The following ZNF184 variants were observed in gnomAD, a reference collection of about 807,000 sequenced individuals.
ZNF184 encodes the protein zinc finger protein 184 (Kruppel-like).
Under a neutral mutation model 54.4 loss-of-function variants are expected in ZNF184, and 16 were observed. That is an observed-to-expected ratio of 0.29 (90% CI 0.20 to 0.45). The LOEUF is 0.45. ZNF184 is among the 20% of genes least tolerant of loss of function. The probability of loss-of-function intolerance (pLI) is 1.00; values close to 1 mark genes in which losing one functional copy is unlikely to be tolerated. For synonymous variants in ZNF184, 254 were observed against 295.3 expected (o/e 0.86, Z 1.43); for missense variants, 681 against 888.2 (o/e 0.77, Z 2.97).
intron 4 of ZNF184, 32 bp from the exon 5 acceptor site, chr6:27,456,953 G>T (rs1214453615): frequency 6.4e-7 from 1 of 1,564,658 alleles, no homozygotes; most frequent in South Asian, 1.1e-5. Context: ...AAAGAAACCT[G>T]CAGTAAGGGG....
the ZNF184 span, chr6:27,404,222 A>G: frequency 6.6e-6 from 1 of 152,202 alleles, no homozygotes; most frequent in Non-Finnish European, 1.5e-5. Flanking sequence ...ATTTGCTTAC[A>G]TTGTTTTAGA....
chr6:27,448,768 T>C (rs1277799391), downstream of ZNF184, among the ~76,000 whole-genome samples: 1 of 148,832 alleles, frequency 6.7e-6, no homozygotes, highest in Admixed American at 6.6e-5. Flanking sequence ...CATTTCCTTT[T>C]TTTTTTTCCC....
chr6:27,430,103 A>T, the ZNF184 span, among the ~76,000 whole-genome samples: 1 of 152,198 alleles, frequency 6.6e-6, no homozygotes, highest in Non-Finnish European at 1.5e-5. Flanking sequence ...CTCAGCCTCA[A>T]CTTCTCATTC....
intron 3 of ZNF184, among the ~76,000 whole-genome samples, chr6:27,464,678 T>C (rs1305320920): frequency 1.3e-5 from 2 of 152,046 alleles, no homozygotes; most frequent in Non-Finnish European, 2.9e-5. Context: ...TGAATACAAA[T>C]GGTCTAAACA....
chr6:27,410,821 T>G, the ZNF184 span, among the ~76,000 whole-genome samples: 1 of 152,158 alleles, frequency 6.6e-6, no homozygotes, highest in Non-Finnish European at 1.5e-5. Context: ...CATGAGCCAC[T>G]GCCCCCAGCT....
At chr6:27,414,879 G>A in the ZNF184 span, among the ~76,000 whole-genome samples, 1 of 152,086 alleles carries the variant, frequency 6.6e-6, no homozygotes, top group Admixed American at 6.6e-5. Flanking sequence ...TTTACCCTTT[G>A]GAAGTGAGTA....
the ZNF184 span, among the ~76,000 whole-genome samples, chr6:27,424,264 CT>C: frequency 6.6e-6 from 1 of 152,204 alleles, no homozygotes; most frequent in African/African-American, 2.4e-5. Context: ...TTTGTGATGA[CT>C]TTTACAGCTC....
At chr6:27,407,536 T>C in the ZNF184 span, among the ~76,000 whole-genome samples, 6 of 152,234 alleles carry the variant, frequency 3.9e-5, no homozygotes, top group African/African-American at 7.2e-5. Context: ...CTAAGCCCTA[T>C]GCACAGTGTC....
At chr6:27,423,459 G>A in the ZNF184 span, among the ~76,000 whole-genome samples, 1 of 152,012 alleles carries the variant, frequency 6.6e-6, no homozygotes, top group Non-Finnish European at 1.5e-5. Context: ...TTTGTGGGCT[G>A]TGAGTTTGAA....
chr6:27,426,329 C>T, the ZNF184 span, among the ~76,000 whole-genome samples: 6 of 152,196 alleles, frequency 3.9e-5, no homozygotes, highest in Admixed American at 2.0e-4. This position sits in a 1 kb window ranked among gnomAD's most constrained non-coding sequence, Gnocchi z 4.2. Context: ...GGAATCCCCA[C>T]GCCTGTGAGT....
intron 3 of ZNF184, among the ~76,000 whole-genome samples, chr6:27,459,583 G>A (rs1762948227): frequency 6.6e-6 from 1 of 152,094 alleles, no homozygotes; most frequent in Non-Finnish European, 1.5e-5. Flanking sequence ...GAACCCAAAT[G>A]CAATCTATCT....
At chr6:27,421,832 G>T in the ZNF184 span, among the ~76,000 whole-genome samples, 3 of 152,294 alleles carry the variant, frequency 2.0e-5, no homozygotes, top group Admixed American at 2.0e-4. Context: ...ACTTTGGAAG[G>T]CTGAGCGGGA....
chr6:27,407,712 A>G, the ZNF184 span: 1 of 729,354 alleles, frequency 1.4e-6, no homozygotes, highest in South Asian at 1.4e-5. Context: ...AAACACATCC[A>G]TGTACCTTAC....
At chr6:27,464,154 C>T (rs531858880) in intron 3 of ZNF184, among the ~76,000 whole-genome samples, 6 of 152,154 alleles carry the variant, frequency 3.9e-5, no homozygotes, top group Admixed American at 2.6e-4. Flanking sequence ...AAATCACTCA[C>T]GATTGTGAAC....
At chr6:27,423,864 T>A in the ZNF184 span, among the ~76,000 whole-genome samples, 5 of 152,368 alleles carry the variant, frequency 3.3e-5, no homozygotes, top group South Asian at 1.0e-3. Flanking sequence ...TTTTGAATTC[T>A]TATACCACGT....
chr6:27,418,190 A>G, the ZNF184 span, among the ~76,000 whole-genome samples: 2 of 152,272 alleles, frequency 1.3e-5, no homozygotes, highest in Admixed American at 6.5e-5. Context: ...TTGATCCTTG[A>G]GTCAGAGGCC....
chr6:27,418,741 C>T, the ZNF184 span, among the ~76,000 whole-genome samples: 1 of 151,974 alleles, frequency 6.6e-6, no homozygotes, highest in East Asian at 1.9e-4. Flanking sequence ...ATAAACATTA[C>T]TTATATAGTC....
At chr6:27,459,105 A>G (rs974600925) in intron 3 of ZNF184, among the ~76,000 whole-genome samples, 13 of 152,184 alleles carry the variant, frequency 8.5e-5, no homozygotes, top group African/African-American at 2.9e-4. Context: ...GGCTAGGGAA[A>G]GACTGGCTAA....
intron 3 of ZNF184, among the ~76,000 whole-genome samples, chr6:27,466,041 T>C (rs1763127357): frequency 6.6e-6 from 1 of 152,132 alleles, no homozygotes; most frequent in African/African-American, 2.4e-5. Flanking sequence ...TATTCTGTAT[T>C]ACATAGGTGA....
Sources: allele counts gnomAD v4.1 joint callset (sites outside exome capture counted in the v4.1 genomes callset), GRCh38; gene constraint gnomAD v4.1.1; non-coding constraint Gnocchi (gnomAD v3.1); transcripts MANE v1.5; gene names NCBI Gene and HGNC (gene_info 2026-07-23, HGNC 2026-07-21).